SHISAL1: variants seen among roughly 807,000 people sequenced by gnomAD.
SHISAL1 encodes protein shisa-like-1.
A neutral mutation model predicts 22.6 loss-of-function variants in SHISAL1; 9 were observed. The ratio of observed to expected loss-of-function variants is 0.40; its 90% CI spans 0.24 to 0.70. The LOEUF is 0.70. Among genes scored for constraint, SHISAL1 ranks in the 30% least tolerant of loss-of-function variants. The pLI, the probability that SHISAL1 is intolerant of heterozygous loss-of-function variation, is 0.39. For missense variants in SHISAL1, 246 were observed against 270.6 expected, an observed-to-expected ratio of 0.91 and a Z score of 0.64; for synonymous variants, 119 against 115.4, an observed-to-expected ratio of 1.03 and a Z score of -0.20.
rs568578529 is a variant in SHISAL1 at position 44,303,579 on chromosome 22, C to T, written c.-32-2602G>A. On this transcript the variant is annotated intron_variant, in intron 1 of 4. Coordinates refer to ENST00000381176, the MANE Select transcript of SHISAL1 (RefSeq NM_001099294.2). ...CCCTACAGCCTCATAAGGACCCAAC[C>T]CTGCTGACACCCTGACTTGGACTTC... Among the ~76,000 whole-genome samples, 11 of 152,264 alleles carry T rather than the reference C, an allele frequency of 7.2e-5. 1 individual carries two copies. In the South Asian group the frequency reaches 2.3e-3, roughly 32 times the overall value.
chr22:44,296,145 C>T (rs1324635604), intron 3 of SHISAL1, among the ~76,000 whole-genome samples: 1 of 151,412 alleles, frequency 6.6e-6, no homozygotes, highest in Non-Finnish European at 1.5e-5. Context: ...GTGTCCCTCC[C>T]TCCCTCCCTC....
intron 4 of SHISAL1, among the ~76,000 whole-genome samples, chr22:44,259,223 C>G (rs538219506): frequency 3.3e-5 from 5 of 152,182 alleles, no homozygotes; most frequent in African/African-American, 9.6e-5. Flanking sequence ...GCGGGCGGAT[C>G]ACGAGGTCAG....
chr22:44,319,475 A>G, the SHISAL1 span, among the ~76,000 whole-genome samples: 2 of 152,218 alleles, frequency 1.3e-5, no homozygotes, highest in African/African-American at 2.4e-5. Context: ...CCACTTCCCC[A>G]TTACTGGGAA....
intron 4 of SHISAL1, among the ~76,000 whole-genome samples, chr22:44,285,030 C>A (rs1375297128): frequency 6.6e-6 from 1 of 152,092 alleles, no homozygotes; most frequent in East Asian, 1.9e-4. Flanking sequence ...ATTTTCTAAC[C>A]TCATGCTGAA....
At chr22:44,298,137 C>A (rs1440540061) in intron 2 of SHISAL1, among the ~76,000 whole-genome samples, 3 of 152,230 alleles carry the variant, frequency 2.0e-5, no homozygotes, top group Non-Finnish European at 4.4e-5. Context: ...AAGGTCTCAG[C>A]TTTTGGGGAA....
chr22:44,290,926 G>C (rs2055348676), intron 3 of SHISAL1, among the ~76,000 whole-genome samples: 1 of 152,196 alleles, frequency 6.6e-6, no homozygotes, highest in Non-Finnish European at 1.5e-5. Flanking sequence ...GGCAGTGGCG[G>C]TGTGTGGGCT....
chr22:44,295,706 C>T (rs2055380600), intron 3 of SHISAL1, among the ~76,000 whole-genome samples: 1 of 152,058 alleles, frequency 6.6e-6, no homozygotes, highest in South Asian at 2.1e-4. Context: ...AAGAAAAAAA[C>T]AAAAACTTCA....
At chr22:44,269,793 C>A (rs184062421) in intron 4 of SHISAL1, among the ~76,000 whole-genome samples, 10 of 152,178 alleles carry the variant, frequency 6.6e-5, no homozygotes, top group African/African-American at 1.9e-4. Context: ...CCTGTCCTAG[C>A]CCCTCAGGAC....
chr22:44,327,392 G>C, the SHISAL1 span, among the ~76,000 whole-genome samples: 10 of 152,176 alleles, frequency 6.6e-5, no homozygotes, highest in Non-Finnish European at 1.2e-4. Flanking sequence ...GGGACGGCCC[G>C]TGACTGGGGA....
At chr22:44,256,501 G>A (rs1288452696) in intron 4 of SHISAL1, among the ~76,000 whole-genome samples, 1 of 152,184 alleles carries the variant, frequency 6.6e-6, no homozygotes, top group Non-Finnish European at 1.5e-5. Flanking sequence ...ATCCATACCA[G>A]CATGTTCCTG....
At chr22:44,329,689 C>T in the SHISAL1 span, among the ~76,000 whole-genome samples, 8 of 152,184 alleles carry the variant, frequency 5.3e-5, no homozygotes, top group African/African-American at 1.9e-4. Flanking sequence ...CAGACAGCCT[C>T]TCTGGGGAGA....
Position 44,312,914 on chromosome 22 carries a change from C to T in SHISAL1, c.-196G>A, listed in dbSNP as rs539692503. The T allele has an allele frequency of 5.9e-5, 9 of 152,468 alleles. No homozygotes were observed. The highest frequency in any genetic ancestry group is 2.1e-4 in the South Asian group (1 of 4,834). The allele number at this position is 152,468 out of a possible 1,614,324, so 9.4% of individuals were successfully genotyped here. ...GTATAGGCAAAAGAGTGTTTTCCAG[C>T]GCAGGCTGGCCTCTGTGTGCTGACA... On this transcript the variant is annotated 5_prime_UTR_variant, in exon 1 of 5. Transcript: ENST00000381176.
the SHISAL1 span, among the ~76,000 whole-genome samples, chr22:44,322,795 C>T: frequency 2.2e-4 from 33 of 152,344 alleles, no homozygotes; most frequent in South Asian, 6.6e-3. Context: ...GATCATCCAG[C>T]TACACAACGC....
chr22:44,252,901 A>C (rs2055058231), intron 4 of SHISAL1, among the ~76,000 whole-genome samples: 1 of 152,036 alleles, frequency 6.6e-6, no homozygotes, highest in Non-Finnish European at 1.5e-5. Flanking sequence ...AGGCTGAGGC[A>C]AGAGAATCGC....
chr22:44,304,681 G>A (rs1268922736), intron 1 of SHISAL1, among the ~76,000 whole-genome samples: 1 of 152,224 alleles, frequency 6.6e-6, no homozygotes, highest in African/African-American at 2.4e-5. Context: ...GCATCTGGGA[G>A]TGCTCAGGAA....
chr22:44,268,087 T>G (rs928776229), intron 4 of SHISAL1, among the ~76,000 whole-genome samples: 7 of 152,250 alleles, frequency 4.6e-5, no homozygotes, highest in African/African-American at 1.7e-4. Flanking sequence ...TCCTGTCACT[T>G]TACCCTCCTG....
chr22:44,246,716 GGCTCCTCT>G lies in SHISAL1; in HGVS notation c.*2961_*2968del, dbSNP rs2055004310. On this transcript the variant is annotated 3_prime_UTR_variant, in exon 5 of 5. Transcript: ENST00000381176. ...CACATGCACACTGTTCTCACCTGTC[GGCTCCTCT>G]GTGAGACAGCAAGTACCGTGACTAA... The G allele has an allele frequency of 6.9e-6, 1 of 145,314 alleles. No individual in the cohort carries two copies. Among genetic ancestry groups the G allele is most frequent in the South Asian group, 2.2e-4 (1 of 4,506 alleles). 9.0% of individuals were successfully genotyped at this position (145,314 alleles called of 1,614,324 possible). A position where few individuals can be genotyped will look rare whatever the true frequency, so the allele number is the denominator to read the frequency against.
At chr22:44,277,871 A>G (rs1385182732) in intron 4 of SHISAL1, among the ~76,000 whole-genome samples, 1 of 152,186 alleles carries the variant, frequency 6.6e-6, no homozygotes, top group East Asian at 1.9e-4. Context: ...TAAAAACCCA[A>G]GACACACCAT....
Position 44,259,901 on chromosome 22 carries a change from C to G in SHISAL1, c.*-10216G>C, listed in dbSNP as rs117439716. Among the ~76,000 whole-genome samples, 2,445 of 152,300 alleles carry G rather than the reference C, an allele frequency of 0.016. 134 individuals are homozygous for G. In the East Asian group the frequency reaches 0.19, roughly 12 times the overall value. Reference sequence around the variant, plus strand: ...TAACGTTTACCTCCTCTCCACCAGGCGCTCCCTGCACTGCAAGCATATCTA... The same window carrying G: ...TAACGTTTACCTCCTCTCCACCAGGGGCTCCCTGCACTGCAAGCATATCTA... On this transcript the variant is annotated intron_variant, in intron 4 of 4. Transcript: ENST00000381176.
Sources: allele counts gnomAD v4.1 joint callset (sites outside exome capture counted in the v4.1 genomes callset), GRCh38; gene constraint gnomAD v4.1.1; transcripts MANE v1.5; gene names NCBI Gene and HGNC (gene_info 2026-07-23, HGNC 2026-07-21).